RALGPS1: variants seen among roughly 807,000 people sequenced by gnomAD.
The protein encoded by RALGPS1 is Ral GEF with PH domain and SH3 binding motif 1.
A neutral mutation model predicts 78.8 loss-of-function variants in RALGPS1; 19 were observed. The ratio of observed to expected loss-of-function variants is 0.24; its 90% CI spans 0.17 to 0.35. The LOEUF (loss-of-function observed/expected upper bound fraction) is 0.35, where lower values mean the gene tolerates loss of function less well. RALGPS1 is among the 10% of genes least tolerant of loss of function. The probability of loss-of-function intolerance (pLI) is 1.00; values close to 1 mark genes in which losing one functional copy is unlikely to be tolerated. For synonymous variants in RALGPS1, 228 were observed against 256.3 expected (o/e 0.89, Z 1.06); for missense variants, 454 against 688.3 (o/e 0.66, Z 3.81).
rs570315193 is a variant in RALGPS1 at position 126,918,604 on chromosome 9, A to G, written c.-66+3629A>G. Among the ~76,000 whole-genome samples, 3 of 151,796 alleles carry G rather than the reference A, an allele frequency of 2.0e-5. No homozygotes were observed. The East Asian group carries it at 5.8e-4, about 29-fold the overall frequency. ...CCAAAGTGCTGAGATTACAGGCATG[A>G]GCCACCACGTCTAGCAAGTATAGTT... On this transcript the variant is annotated intron_variant, in intron 1 of 18. Coordinates refer to ENST00000259351, the MANE Select transcript of RALGPS1 (RefSeq NM_014636.3).
intron 7 of RALGPS1, among the ~76,000 whole-genome samples, chr9:127,065,699 G>C (rs1305201955): frequency 6.6e-6 from 1 of 151,946 alleles, no homozygotes; most frequent in African/African-American, 2.4e-5. Context: ...TTTCTCTGGG[G>C]ACATCTCTTC....
intron 18 of RALGPS1, among the ~76,000 whole-genome samples, chr9:127,216,431 G>A (rs2062582570): frequency 6.6e-6 from 1 of 152,212 alleles, no homozygotes; most frequent in Admixed American, 6.5e-5. Flanking sequence ...ATGTGTTTAA[G>A]AATGTTCACT....
At chr9:126,930,104 T>TCTTTACCTA (rs2035659622) in intron 1 of RALGPS1, among the ~76,000 whole-genome samples, 1 of 152,142 alleles carries the variant, frequency 6.6e-6, no homozygotes, top group Non-Finnish European at 1.5e-5. Context: ...AATCTGGGAT[T>TCTTTACCTA]ATAGGCATGA....
chr9:127,065,509 C>T lies in RALGPS1; in HGVS notation c.484-3721C>T, dbSNP rs140486437. 5.2e-3 allele frequency among the ~76,000 whole-genome samples: 785 copies of T among 152,294 alleles called. 5 individuals carry two copies. The highest frequency in any genetic ancestry group is 0.018 in the African/African-American group (735 of 41,554). On this transcript the variant is annotated intron_variant, in intron 7 of 18. Coordinates refer to ENST00000259351, the MANE Select transcript of RALGPS1 (RefSeq NM_014636.3). ...TAGTGAAATGATAGTTGTAAGCTAC[C>T]ATGCCCTACCTATTTTTCTGGAATT...
At chr9:127,157,735 T>C (rs1031562643) in intron 8 of RALGPS1, among the ~76,000 whole-genome samples, 1 of 152,136 alleles carries the variant, frequency 6.6e-6, no homozygotes, top group African/African-American at 2.4e-5. Flanking sequence ...TTGATTATCC[T>C]AAATTGTCTA....
chr9:126,990,964 T>C lies in RALGPS1; in HGVS notation c.216+13219T>C, dbSNP rs557835556. Among the ~76,000 whole-genome samples the C allele has an allele frequency of 6.6e-5, 10 of 152,310 alleles. No homozygotes were observed. In the South Asian group the frequency reaches 1.9e-3, roughly 28 times the overall value. On this transcript the variant is annotated intron_variant, in intron 4 of 18. Transcript: ENST00000259351. ...TTTCCACTTCTATGCTATCTGCCTC[T>C]CTTTGTTCAAAAAACTGGATTAGGT...
At chr9:127,150,889 A>G (rs1326609590) in intron 8 of RALGPS1, among the ~76,000 whole-genome samples, 2 of 152,112 alleles carry the variant, frequency 1.3e-5, no homozygotes, top group Admixed American at 6.5e-5. Flanking sequence ...TGATCCATTA[A>G]GAGTGAATTC....
At chr9:127,148,960 C>T (rs1426806699) in intron 8 of RALGPS1, among the ~76,000 whole-genome samples, 1 of 152,198 alleles carries the variant, frequency 6.6e-6, no homozygotes, top group Non-Finnish European at 1.5e-5. Context: ...AATGTTATCA[C>T]CATCACCCTA....
At chr9:127,024,572 T>C (rs1266434597) in intron 4 of RALGPS1, among the ~76,000 whole-genome samples, 5 of 152,004 alleles carry the variant, frequency 3.3e-5, no homozygotes, top group Admixed American at 1.3e-4. Context: ...ACAACACTTA[T>C]TATTATGGCT....
rs2045340695 is a variant in RALGPS1 at position 127,020,505 on chromosome 9, C to T, written c.217-13926C>T. On this transcript the variant is annotated intron_variant, in intron 4 of 18. Transcript: ENST00000259351. ...AAGTAATAAATTAAGGGACAAACTA[C>T]AATTTTCTTCTGAAACTCAGAGCAA... Among the ~76,000 whole-genome samples, 5 of 152,176 alleles carry T rather than the reference C, an allele frequency of 3.3e-5. No homozygotes were observed. In the South Asian group the frequency reaches 1.0e-3, roughly 31 times the overall value.
chr9:127,200,969 G>C (rs2061601033), intron 14 of RALGPS1, among the ~76,000 whole-genome samples: 1 of 152,208 alleles, frequency 6.6e-6, no homozygotes. Flanking sequence ...TCATTCAGTA[G>C]CTGTTAAGCA....
chr9:127,179,572 G>A (rs10124986), intron 11 of RALGPS1, among the ~76,000 whole-genome samples: 4 of 152,196 alleles, frequency 2.6e-5, no homozygotes, highest in Non-Finnish European at 4.4e-5. Context: ...CAAAGGAGAG[G>A]CCCTAAGACA....
chr9:127,191,816 G>A (rs575005319), intron 11 of RALGPS1, among the ~76,000 whole-genome samples: 23 of 150,482 alleles, frequency 1.5e-4, no homozygotes, highest in African/African-American at 5.4e-4. Context: ...TCCTGCCTCA[G>A]CCTCCCGAGT....
chr9:126,979,063 TTTC>T (rs1447385146), intron 4 of RALGPS1, among the ~76,000 whole-genome samples: 2 of 152,200 alleles, frequency 1.3e-5, no homozygotes, highest in Non-Finnish European at 2.9e-5. Flanking sequence ...ACTTAATGCC[TTTC>T]TTCTTACAGA....
chr9:127,217,501 A>G, intron 18 of RALGPS1: 1 of 932,032 alleles, frequency 1.1e-6, no homozygotes, highest in African/African-American at 1.8e-5. Flanking sequence ...TGCATGTCCT[A>G]AACTTGTTTT....
intron 8 of RALGPS1, among the ~76,000 whole-genome samples, chr9:127,148,844 G>C (rs571587486): frequency 6.6e-6 from 1 of 152,360 alleles, no homozygotes; most frequent in African/African-American, 2.4e-5. Context: ...CCTCGCTGTG[G>C]ATGGAACAGA....
At chr9:127,031,927 G>A (rs1320108674) in intron 4 of RALGPS1, among the ~76,000 whole-genome samples, 1 of 152,214 alleles carries the variant, frequency 6.6e-6, no homozygotes, top group African/African-American at 2.4e-5. Flanking sequence ...GTTCTTGCCT[G>A]CATGATATCA....
intron 11 of RALGPS1, among the ~76,000 whole-genome samples, chr9:127,186,368 GGCTGGCAGCAGGAACT>G (rs2060642824): frequency 6.6e-6 from 1 of 152,222 alleles, no homozygotes; most frequent in South Asian, 2.1e-4. Context: ...GCCATATCGG[GGCTGGCAGCAGGAACT>G]GCACTCTGCT....
chr9:127,055,006 AG>A (rs2048607804), intron 7 of RALGPS1, among the ~76,000 whole-genome samples: 1 of 30,442 alleles, frequency 3.3e-5, no homozygotes. Flanking sequence ...TGAGAGAGAG[AG>A]AGAGAGAGAG....
Sources: allele counts gnomAD v4.1 joint callset (sites outside exome capture counted in the v4.1 genomes callset), GRCh38; gene constraint gnomAD v4.1.1; transcripts MANE v1.5; gene names NCBI Gene and HGNC (gene_info 2026-07-23, HGNC 2026-07-21).